CD81: variants seen among roughly 807,000 people sequenced by gnomAD.
CD81 encodes the protein CD81 antigen.
Under a neutral mutation model 30.1 loss-of-function variants are expected in CD81, and 10 were observed. That is an observed-to-expected ratio of 0.33 (90% CI 0.21 to 0.56). The LOEUF (loss-of-function observed/expected upper bound fraction) is 0.56, where lower values mean the gene tolerates loss of function less well. Among genes scored for constraint, CD81 ranks in the 20% least tolerant of loss-of-function variants. CD81 has a pLI of 0.89. For synonymous variants in CD81, 147 were observed against 126.4 expected (o/e 1.16, Z -1.10); for missense variants, 263 against 308.7 (o/e 0.85, Z 1.11).
chr11:2,393,483 C>T, intron 2 of CD81: 1 of 191,972 alleles, frequency 5.2e-6, no homozygotes. Flanking sequence ...CCAACTTGAT[C>T]CTCCCCACAC....
At chr11:2,394,032 C>T in intron 2 of CD81, 63 bp from the exon 3 acceptor site, 1 of 1,324,262 alleles carries the variant, frequency 7.6e-7, no homozygotes, top group Non-Finnish European at 1.1e-6. Flanking sequence ...CACCCAGGAC[C>T]CTCCGGGGTC....
intron 1 of CD81, chr11:2,386,469 C>T (rs2133449879): frequency 1.0e-5 from 7 of 698,102 alleles, no homozygotes; most frequent in Admixed American, 2.0e-5. Context: ...TGCCCTCCCT[C>T]GTAGGTGGCC....
At chr11:2,391,920 C>G (rs1192287889) in intron 2 of CD81, 2 of 152,246 alleles carry the variant, frequency 1.3e-5, no homozygotes, top group Non-Finnish European at 2.9e-5. Context: ...TCCTGGGCCT[C>G]TTGCTCCCCG....
intron 1 of CD81, chr11:2,384,691 T>C: frequency 5.2e-6 from 1 of 190,878 alleles, no homozygotes; most frequent in Non-Finnish European, 1.2e-5. Flanking sequence ...AGGTGAGCTT[T>C]GAGCAGGGAG....
chr11:2,377,653 G>T lies in CD81; in HGVS notation c.66+38G>T, dbSNP rs748792416. ...CCGGGGGCCGGGGCGGGAGGGGGCA[G>T]GCACACACTCCACGTTGGGCAGGTC... is the stretch of plus-strand genomic sequence containing the variant. On this transcript the variant is annotated intron_variant, in intron 1 of 7. Coordinates refer to ENST00000263645, the MANE Select transcript of CD81 (RefSeq NM_004356.4). The surrounding 1 kb of genome is among the most constrained non-coding windows in gnomAD (Gnocchi z 7.7). 1.7e-5 allele frequency: 23 copies of T among 1,375,972 alleles called. No individual in the cohort carries two copies. Among genetic ancestry groups the T allele is most frequent in the Non-Finnish European group, 2.1e-5 (21 of 1,003,916 alleles). 85.2% of individuals were successfully genotyped at this position (1,375,972 alleles called of 1,614,324 possible). A position where few individuals can be genotyped will look rare whatever the true frequency, so the allele number is the denominator to read the frequency against.
rs956585506 is a variant in CD81 at position 2,377,404 on chromosome 11, C to A, written c.-146C>A. 1.3e-5 allele frequency: 2 copies of A among 152,170 alleles called. No individual in the cohort carries two copies. Among genetic ancestry groups the A allele is most frequent in the African/African-American group, 4.9e-5 (2 of 40,660 alleles). 9.4% of individuals were successfully genotyped at this position (152,170 alleles called of 1,614,324 possible). A position where few individuals can be genotyped will look rare whatever the true frequency, so the allele number is the denominator to read the frequency against. The stretch of plus-strand genomic sequence containing the variant: ...GCCCAGCGCCCCACGCGCCCCCGCG[C>A]CCCCGCGCCCCCGCGCCCCTTTCTT... On this transcript the variant is annotated 5_prime_UTR_variant, in exon 1 of 8. Coordinates refer to ENST00000263645, the MANE Select transcript of CD81 (RefSeq NM_004356.4). This position sits in a 1 kb window ranked among gnomAD's most constrained non-coding sequence, Gnocchi z 7.7.
At chr11:2,396,128 G>T in intron 6 of CD81, 158 bp downstream of exon 6, 1 of 453,846 alleles carries the variant, frequency 2.2e-6, no homozygotes, top group Non-Finnish European at 4.4e-6. Context: ...GTTGGGGTGG[G>T]ACCGCATCTG....
rs115691463 is a variant in CD81 at position 2,393,967 on chromosome 11, C to T, written c.182-128C>T. 1.3e-3 allele frequency: 953 copies of T among 753,168 alleles called. 6 individuals are homozygous for T. The African/African-American group carries it at 0.014, about 11-fold the overall frequency. The allele number at this position is 753,168 out of a possible 1,614,324, so 46.7% of individuals were successfully genotyped here. A position where few individuals can be genotyped will look rare whatever the true frequency, so the allele number is the denominator to read the frequency against. ...GATGTGAGGTCCCTTGCTGCTCATC[C>T]CTGGCAGTCAGCAACCCTACATCTT... On this transcript the variant is annotated intron_variant, in intron 2 of 7. Transcript: ENST00000263645.
upstream of CD81, among the ~76,000 whole-genome samples, chr11:2,376,546 A>T (rs1225205060): frequency 6.6e-6 from 1 of 152,210 alleles, no homozygotes; most frequent in African/African-American, 2.4e-5. Flanking sequence ...CACCTTCCGG[A>T]AGAGCCACGG....
rs1374501993 is a variant in CD81 at position 2,386,421 on chromosome 11, C to T, written c.67-3991C>T. On this transcript the variant is annotated intron_variant, in intron 1 of 7. Coordinates refer to ENST00000263645, the MANE Select transcript of CD81 (RefSeq NM_004356.4). ...TGTTATGGGGCAGGGGCACCTGTGC[C>T]TTTCCCACCACGGGGCTTGGGGATT... The T allele has an allele frequency of 1.5e-5, 10 of 658,398 alleles. No homozygotes were observed. In the Admixed American group the frequency reaches 2.1e-4, roughly 14 times the overall value. 40.8% of individuals were successfully genotyped at this position (658,398 alleles called of 1,614,324 possible).
intron 1 of CD81, chr11:2,385,825 T>G: frequency 1.6e-6 from 1 of 632,550 alleles, no homozygotes. Flanking sequence ...GCATATGGGT[T>G]GTTTCAGTTT....
chr11:2,385,855 T>C (rs1366185078), intron 1 of CD81: 1 of 504,190 alleles, frequency 2.0e-6, no homozygotes. Flanking sequence ...ACAAGAAACG[T>C]GCTAGAACAT....
intron 1 of CD81, among the ~76,000 whole-genome samples, chr11:2,389,119 C>G (rs1221598433): frequency 6.6e-6 from 1 of 152,100 alleles, no homozygotes; most frequent in Non-Finnish European, 1.5e-5. Context: ...GCAGAGTCCC[C>G]AGGCTGCTAG....
chr11:2,391,523 C>T (rs570174946), intron 2 of CD81: 1 of 152,436 alleles, frequency 6.6e-6, no homozygotes, highest in East Asian at 1.9e-4. Context: ...TCCTTCTTCC[C>T]CATGCCCCGC....
chr11:2,396,194 G>T, intron 6 of CD81: 1 of 610,144 alleles, frequency 1.6e-6, no homozygotes, highest in Non-Finnish European at 3.0e-6. Context: ...GAAGGTGGAG[G>T]CTCTGGGGGG....
Position 2,378,684 on chromosome 11 carries a change from C to A in CD81, c.66+1069C>A, listed in dbSNP as rs1849644808. Among the ~76,000 whole-genome samples the A allele has an allele frequency of 6.6e-6, 1 of 152,168 alleles. No individual in the cohort carries two copies. Among genetic ancestry groups the A allele is most frequent in the Non-Finnish European group, 1.5e-5 (1 of 68,024 alleles). ...TGGCCGCGGCCTCCCCGTGGCCACGCCCCTGGGCATAGACTGCAAGCCCCT... is the reference window on the plus strand; with the variant it reads ...TGGCCGCGGCCTCCCCGTGGCCACGACCCTGGGCATAGACTGCAAGCCCCT... On this transcript the variant is annotated intron_variant, in intron 1 of 7. Coordinates refer to ENST00000263645, the MANE Select transcript of CD81 (RefSeq NM_004356.4). This position sits in a 1 kb window ranked among gnomAD's most constrained non-coding sequence, Gnocchi z 4.9.
At position 2,395,546 on chromosome 11, in the gene CD81, G is replaced by C. The variant is rs1327563660; in HGVS notation, c.459+26G>C. On this transcript the variant is annotated intron_variant, in intron 5 of 7. Coordinates refer to ENST00000263645, the MANE Select transcript of CD81 (RefSeq NM_004356.4). ...GTGCGGCCCCGGGGGGCGAGGGCGG[G>C]GAGCAGGGCCCCGGGAACCCGGCGG... The C allele has an allele frequency of 2.5e-6, 4 of 1,575,350 alleles. No individual in the cohort carries two copies. The South Asian group carries it at 4.4e-5, about 17-fold the overall frequency.
chr11:2,381,551 G>C (rs562202968), intron 1 of CD81, among the ~76,000 whole-genome samples: 1 of 152,214 alleles, frequency 6.6e-6, no homozygotes, highest in Non-Finnish European at 1.5e-5. Flanking sequence ...ACCTGAAATC[G>C]CACCACGGGA....
intron 2 of CD81, chr11:2,392,087 C>A (rs889244280): frequency 7.2e-5 from 11 of 152,206 alleles, no homozygotes; most frequent in Non-Finnish European, 1.3e-4. Context: ...TGTCCAGGGA[C>A]AGGAGGGGCT....
Sources: gnomAD v4.1 joint callset for allele counts (sites outside exome capture counted in the v4.1 genomes callset) on GRCh38, gnomAD v4.1.1 for gene constraint, Gnocchi (gnomAD v3.1) non-coding constraint, MANE v1.5 for transcripts, NCBI Gene and HGNC (gene_info 2026-07-23, HGNC 2026-07-21) for gene names.